Variants in ENTREP2 observed in about 807,000 individuals in gnomAD.
ENTREP2 encodes protein ENTREP2.
the ENTREP2 span, among the ~76,000 whole-genome samples, chr15:29,479,739 C>T: frequency 1.3e-5 from 2 of 151,836 alleles, no homozygotes; most frequent in Non-Finnish European, 2.9e-5. Context: ...CTGTTCTATC[C>T]CTCTAGCCAC....
the ENTREP2 span, among the ~76,000 whole-genome samples, chr15:29,417,273 A>G: frequency 6.6e-6 from 1 of 152,246 alleles, no homozygotes; most frequent in East Asian, 1.9e-4. Context: ...AGACTGGATT[A>G]AGAAAATGTG....
chr15:29,441,522 C>T, the ENTREP2 span, among the ~76,000 whole-genome samples: 3 of 152,082 alleles, frequency 2.0e-5, no homozygotes, highest in Non-Finnish European at 1.5e-5. Context: ...CCCCAGCTCT[C>T]GTTCTGCAAT....
chr15:29,375,821 A>C, the ENTREP2 span: 1 of 152,318 alleles, frequency 6.6e-6, no homozygotes, highest in African/African-American at 2.4e-5. Context: ...AGAGAGCCAA[A>C]GCAGCCATCA....
chr15:29,321,699 G>C, the ENTREP2 span, among the ~76,000 whole-genome samples: 1 of 151,122 alleles, frequency 6.6e-6, no homozygotes, highest in African/African-American at 2.4e-5. Context: ...AGACTTTTTC[G>C]GAGAAAGGAA....
chr15:29,155,138 C>T, the ENTREP2 span, among the ~76,000 whole-genome samples: 3 of 150,024 alleles, frequency 2.0e-5, no homozygotes, highest in Admixed American at 2.0e-4. Context: ...AAAAATTAGT[C>T]GGGCGTGGTG....
chr15:29,485,543 T>C, the ENTREP2 span, among the ~76,000 whole-genome samples: 2 of 152,132 alleles, frequency 1.3e-5, no homozygotes, highest in African/African-American at 4.8e-5. Flanking sequence ...CTGCAGTCCC[T>C]GGGACAGAAG....
chr15:29,368,524 A>G, the ENTREP2 span, among the ~76,000 whole-genome samples: 2 of 152,040 alleles, frequency 1.3e-5, no homozygotes, highest in Admixed American at 1.3e-4. Context: ...AAAGAAAAAG[A>G]TGACAATGAT....
the ENTREP2 span, among the ~76,000 whole-genome samples, chr15:29,422,853 G>C: frequency 1.2e-4 from 19 of 152,204 alleles, no homozygotes; most frequent in Non-Finnish European, 2.1e-4. Context: ...CATGGAATTA[G>C]AAGTAAGTAT....
the ENTREP2 span, among the ~76,000 whole-genome samples, chr15:29,594,104 A>T: frequency 0.26 from 39,368 of 151,354 alleles, 5,584 homozygotes; most frequent in East Asian, 0.41. Flanking sequence ...AAAAAGGTTT[A>T]AAAAAAAAGG....
chr15:29,523,488 A>G, the ENTREP2 span, among the ~76,000 whole-genome samples: 8 of 151,850 alleles, frequency 5.3e-5, no homozygotes, highest in East Asian at 1.9e-4. Context: ...CTGGAAGACA[A>G]TATTGTTTGG....
the ENTREP2 span, among the ~76,000 whole-genome samples, chr15:29,446,616 C>T: frequency 6.6e-6 from 1 of 152,214 alleles, no homozygotes. Context: ...TACGTGTATA[C>T]TGTTTCACCT....
the ENTREP2 span, among the ~76,000 whole-genome samples, chr15:29,607,069 G>C: frequency 2.0e-5 from 3 of 152,166 alleles, no homozygotes; most frequent in Admixed American, 2.0e-4. Flanking sequence ...CTGGCCTCAA[G>C]TGATCTGCTC....
chr15:29,168,154 G>A, the ENTREP2 span, among the ~76,000 whole-genome samples: 1 of 152,054 alleles, frequency 6.6e-6, no homozygotes, highest in South Asian at 2.1e-4. Context: ...TGATACAAAA[G>A]CATAAGAATG....
At chr15:29,628,484 T>A in the ENTREP2 span, among the ~76,000 whole-genome samples, 133 of 152,344 alleles carry the variant, frequency 8.7e-4, no homozygotes, top group African/African-American at 3.1e-3. Context: ...GAATGTATAC[T>A]ATGCTGTTGT....
At chr15:29,485,994 C>G in the ENTREP2 span, among the ~76,000 whole-genome samples, 1 of 152,194 alleles carries the variant, frequency 6.6e-6, no homozygotes, top group South Asian at 2.1e-4. Flanking sequence ...TATGATCCAG[C>G]AATCCCACTG....
the ENTREP2 span, among the ~76,000 whole-genome samples, chr15:29,404,295 T>C: frequency 2.0e-5 from 3 of 152,002 alleles, no homozygotes; most frequent in African/African-American, 7.2e-5. Context: ...CCAAACACAG[T>C]AGGGATATGG....
At chr15:29,250,155 T>G in the ENTREP2 span, among the ~76,000 whole-genome samples, 2 of 152,078 alleles carry the variant, frequency 1.3e-5, no homozygotes, top group Non-Finnish European at 2.9e-5. Context: ...CGAGAAACAG[T>G]GAGTGACTTG....
At chr15:29,397,344 T>C in the ENTREP2 span, among the ~76,000 whole-genome samples, 1 of 152,092 alleles carries the variant, frequency 6.6e-6, no homozygotes, top group East Asian at 1.9e-4. Context: ...TGAGCCGAGA[T>C]TGTGCCACTG....
the ENTREP2 span, chr15:29,375,649 C>G: frequency 6.6e-6 from 1 of 152,180 alleles, no homozygotes; most frequent in East Asian, 1.9e-4. Flanking sequence ...CTCAGCATCC[C>G]TGAACTCTTC....
Sources: gnomAD v4.1 joint callset for allele counts (sites outside exome capture counted in the v4.1 genomes callset) on GRCh38, gnomAD v4.1.1 for gene constraint, MANE v1.5 for transcripts, NCBI Gene and HGNC (gene_info 2026-07-23, HGNC 2026-07-21) for gene names.